Variants in ECHDC2 observed in about 807,000 individuals in gnomAD.
The protein encoded by ECHDC2 is enoyl-CoA hydratase domain containing 2.
A neutral mutation model predicts 40.6 loss-of-function variants in ECHDC2; 34 were observed. The observed-to-expected ratio is 0.84, with a 90% CI of 0.64 to 1.11. The LOEUF (loss-of-function observed/expected upper bound fraction) is 1.11. Ranked by LOEUF, ECHDC2 falls within the 50% of genes most tolerant of loss-of-function variation. ECHDC2 has a pLI of 0.00. For missense variants in ECHDC2, 392 were observed against 400.7 expected, an observed-to-expected ratio of 0.98 and a Z score of 0.19; for synonymous variants, 162 against 166.6, an observed-to-expected ratio of 0.97 and a Z score of 0.21.
rs111693547 is a variant in ECHDC2 at position 52,899,203 on chromosome 1, C to T, written c.724G>A (p.Gly242Ser). ...GTTCCTCGGTCAATGGCTACTTTGC[C>T]CAGCCGCACGGCAATGGGGGCCTAG... Reference protein sequence around the residue: ...LPQAPIAVRLGKVAIDRGTEV... With the variant: ...LPQAPIAVRLSKVAIDRGTEV... Residue 242 changes from glycine (G) to serine (S), a missense_variant, in exon 8 of 10, where the codon GGC becomes AGC. Transcript: ENST00000371522. The T allele has an allele frequency of 1.4e-3, 2,305 of 1,613,938 alleles. 26 individuals are homozygous for T. In the African/African-American group the frequency reaches 0.027, roughly 19 times the overall value.
chr1:52,910,713 C>G (rs1649262351), intron 3 of ECHDC2, among the ~76,000 whole-genome samples: 1 of 152,128 alleles, frequency 6.6e-6, no homozygotes, highest in Non-Finnish European at 1.5e-5. Context: ...TAAAACTTGA[C>G]TAATTTTTAC....
At chr1:52,919,469 A>G (rs530763599) in intron 1 of ECHDC2, among the ~76,000 whole-genome samples, 4 of 152,332 alleles carry the variant, frequency 2.6e-5, no homozygotes, top group African/African-American at 9.6e-5. Context: ...CTTGGTGTGC[A>G]GTAGGCTACC....
chr1:52,899,302 T>G (rs993949893), intron 7 of ECHDC2, 78 bp from the exon 8 acceptor site: 7 of 1,425,986 alleles, frequency 4.9e-6, no homozygotes, highest in Middle Eastern at 1.8e-4. Context: ...CAGCTTTGTT[T>G]TAAAGGAGGG....
chr1:52,920,445 C>A, intron 1 of ECHDC2: 1 of 1,220,252 alleles, frequency 8.2e-7, no homozygotes, highest in East Asian at 2.5e-5. Flanking sequence ...CTGAAACAGC[C>A]CAAGAATGCA....
At chr1:52,920,292 G>C in intron 1 of ECHDC2, 1 of 588,854 alleles carries the variant, frequency 1.7e-6, no homozygotes, top group Non-Finnish European at 3.0e-6. Context: ...CTTGGGAACA[G>C]TGGGCAACAG....
intron 1 of ECHDC2, among the ~76,000 whole-genome samples, chr1:52,918,327 C>A (rs1389616194): frequency 1.3e-5 from 2 of 150,754 alleles, no homozygotes; most frequent in Non-Finnish European, 2.9e-5. Flanking sequence ...AGCCACTGTA[C>A]CTGGCCTGGG....
chr1:52,901,899 C>T (rs1647015954), intron 7 of ECHDC2: 1 of 152,042 alleles, frequency 6.6e-6, no homozygotes, highest in South Asian at 2.1e-4. Flanking sequence ...TGCAATCAGC[C>T]ACTCCATTGA....
rs1647289446 is a variant in ECHDC2 at position 52,904,703 on chromosome 1, C to T, written c.645G>A (p.Glu215=). ...CCCGCTGGTAGGCGGCGTCCCCCTCCTCGTTCTGGGCCACAGCGTGATTCA... is the reference window on the plus strand; with the variant it reads ...CCCGCTGGTAGGCGGCGTCCCCCTCTTCGTTCTGGGCCACAGCGTGATTCA... ...GLVNHAVAQN[E]EGDAAYQRAR... The change falls in exon 7 of 10, where the codon GAG becomes GAA. Residue 215 remains glutamate, a synonymous_variant. Transcript: ENST00000371522. 3 of 1,612,164 alleles carry T rather than the reference C, an allele frequency of 1.9e-6. No homozygotes were observed. The highest frequency in any genetic ancestry group is 2.2e-5 in the South Asian group (2 of 91,064).
At chr1:52,912,396 C>T (rs984741202) in intron 1 of ECHDC2, among the ~76,000 whole-genome samples, 2 of 151,864 alleles carry the variant, frequency 1.3e-5, no homozygotes, top group African/African-American at 2.4e-5. Context: ...TTTGTAGGAA[C>T]GAGGTTTTGC....
At chr1:52,911,273 G>A (rs993307057) in intron 3 of ECHDC2, among the ~76,000 whole-genome samples, 3 of 152,068 alleles carry the variant, frequency 2.0e-5, no homozygotes, top group African/African-American at 4.8e-5. Flanking sequence ...CACTGTACCC[G>A]TCTTGGACTC....
At chr1:52,911,195 C>T (rs1263014723) in intron 3 of ECHDC2, among the ~76,000 whole-genome samples, 1 of 152,024 alleles carries the variant, frequency 6.6e-6, no homozygotes, top group Non-Finnish European at 1.5e-5. Context: ...CCAGGCTGGT[C>T]TCGAACTCGG....
chr1:52,900,331 T>C (rs1334260948), intron 7 of ECHDC2: 1 of 152,204 alleles, frequency 6.6e-6, no homozygotes, highest in Non-Finnish European at 1.5e-5. Flanking sequence ...TGGCAAAAAC[T>C]GGCAAAATGC....
intron 1 of ECHDC2, among the ~76,000 whole-genome samples, chr1:52,915,518 CAG>C (rs1396003402): frequency 6.6e-6 from 1 of 152,284 alleles, no homozygotes; most frequent in East Asian, 1.9e-4. Context: ...CTGGAGGCTC[CAG>C]AGAGGTGTGC....
chr1:52,910,559 C>T (rs1027688024), intron 3 of ECHDC2, among the ~76,000 whole-genome samples: 6 of 151,474 alleles, frequency 4.0e-5, no homozygotes, highest in Non-Finnish European at 5.9e-5. Flanking sequence ...AGTAGAGACG[C>T]GGTTTCACCA....
At chr1:52,915,019 C>T (rs762739856) in intron 1 of ECHDC2, 25 of 343,154 alleles carry the variant, frequency 7.3e-5, no homozygotes, top group Non-Finnish European at 1.2e-4. Flanking sequence ...TCCTTAATAC[C>T]GACCATAAGG....
At chr1:52,909,507 CG>C (rs1435526159) in intron 3 of ECHDC2, among the ~76,000 whole-genome samples, 24 of 143,972 alleles carry the variant, frequency 1.7e-4, no homozygotes, top group Non-Finnish European at 2.8e-4. Flanking sequence ...CTAACACCAA[CG>C]GTAACTGATG....
intron 3 of ECHDC2, among the ~76,000 whole-genome samples, chr1:52,908,370 G>A (rs1354726829): frequency 2.6e-5 from 4 of 151,844 alleles, no homozygotes; most frequent in African/African-American, 7.3e-5. Context: ...GTGTGGTGGC[G>A]GACACCTATA....
intron 3 of ECHDC2, among the ~76,000 whole-genome samples, chr1:52,908,369 C>T (rs761902889): frequency 1.3e-4 from 20 of 151,826 alleles, no homozygotes; most frequent in South Asian, 2.1e-4. Flanking sequence ...GGTGTGGTGG[C>T]GGACACCTAT....
At chr1:52,902,923 T>C (rs1429360193) in intron 7 of ECHDC2, among the ~76,000 whole-genome samples, 1 of 152,180 alleles carries the variant, frequency 6.6e-6, no homozygotes, top group African/African-American at 2.4e-5. Flanking sequence ...TTCTAAGAGC[T>C]GAGATACTAC....
Sources: allele counts gnomAD v4.1 joint callset (sites outside exome capture counted in the v4.1 genomes callset), GRCh38; gene constraint gnomAD v4.1.1; transcripts MANE v1.5; gene names NCBI Gene and HGNC (gene_info 2026-07-23, HGNC 2026-07-21).